NRXN1: variants seen among roughly 807,000 people sequenced by gnomAD.
The protein encoded by NRXN1 is neurexin 1, also known as neurexin-1.
Under a neutral mutation model 150.9 loss-of-function variants are expected in NRXN1, and 39 were observed. The observed-to-expected ratio is 0.26, with a 90% confidence interval of 0.20 to 0.34. The LOEUF is 0.34. Among genes scored for constraint, NRXN1 ranks in the 10% least tolerant of loss-of-function variants. The probability of loss-of-function intolerance (pLI) is 1.00; values close to 1 mark genes in which losing one functional copy is unlikely to be tolerated. For missense variants in NRXN1, 1,815 were observed against 1,949.9 expected (o/e 0.93, Z 1.30); for synonymous variants, 924 against 757.0 (o/e 1.22, Z -3.62).
intron 17 of NRXN1, among the ~76,000 whole-genome samples, chr2:50,259,404 A>T (rs2068029019): frequency 6.6e-6 from 1 of 151,862 alleles, no homozygotes; most frequent in Non-Finnish European, 1.5e-5. Flanking sequence ...TGCTTAAGTA[A>T]TATAAGGGGT....
chr2:49,992,392 A>AG (rs1399891503), intron 21 of NRXN1, among the ~76,000 whole-genome samples: 1 of 137,106 alleles, frequency 7.3e-6, no homozygotes, highest in Non-Finnish European at 1.6e-5. Context: ...CAAACAAAAA[A>AG]AAAACACCCC....
chr2:50,083,288 G>C (rs1698239529), intron 19 of NRXN1, among the ~76,000 whole-genome samples: 1 of 152,170 alleles, frequency 6.6e-6, no homozygotes, highest in South Asian at 2.1e-4. Flanking sequence ...CTTTACTTCT[G>C]TTTTACCACA....
chr2:50,304,085 G>A (rs934618771), intron 17 of NRXN1, among the ~76,000 whole-genome samples: 9 of 152,080 alleles, frequency 5.9e-5, no homozygotes, highest in Non-Finnish European at 1.0e-4. Context: ...GCCATAGATC[G>A]ATGAAGATGC....
intron 5 of NRXN1, among the ~76,000 whole-genome samples, chr2:50,713,183 G>A (rs1265510985): frequency 1.3e-5 from 2 of 151,754 alleles, no homozygotes; most frequent in African/African-American, 2.4e-5. Context: ...GCGTGGTGGC[G>A]CATGCCTGTA....
intron 5 of NRXN1, among the ~76,000 whole-genome samples, chr2:50,642,851 C>A (rs1449056736): frequency 1.3e-5 from 2 of 151,812 alleles, no homozygotes; most frequent in East Asian, 3.9e-4. Flanking sequence ...ATCAAATAGA[C>A]CAATATGTGT....
intron 17 of NRXN1, among the ~76,000 whole-genome samples, chr2:50,281,438 C>T (rs2071451105): frequency 6.6e-6 from 1 of 151,874 alleles, no homozygotes; most frequent in African/African-American, 2.4e-5. Context: ...TGAACAAAAC[C>T]CTCTGCTTGG....
Position 50,506,574 on chromosome 2 carries a change from A to G in NRXN1, c.2418T>C (p.Asp806=), listed in dbSNP as rs780936657. The G allele has an allele frequency of 6.2e-7, 1 of 1,613,430 alleles. No homozygotes were observed. The change falls in exon 13 of 23, where the codon GAT becomes GAC. Residue 806 remains aspartate, a synonymous_variant. Transcript: ENST00000401669. The part of the protein sequence containing the change: ...ETLFAGYNLN[D]NEWHTVRVVR... ...CTACACGCACTGTGTGCCACTCGTTATCATTGAGGTTATAGCCAGCAAAAA... is the reference window on the plus strand; with the variant it reads ...CTACACGCACTGTGTGCCACTCGTTGTCATTGAGGTTATAGCCAGCAAAAA...
intron 1 of NRXN1, among the ~76,000 whole-genome samples, chr2:51,030,519 T>G (rs1057429523): frequency 6.9e-6 from 1 of 144,664 alleles, no homozygotes; most frequent in Non-Finnish European, 1.5e-5. Flanking sequence ...AATTGATGAC[T>G]GGTTCTCTCT....
At chr2:50,959,828 C>T (rs1692857745) in intron 2 of NRXN1, among the ~76,000 whole-genome samples, 1 of 151,958 alleles carries the variant, frequency 6.6e-6, no homozygotes, top group African/African-American at 2.4e-5. Flanking sequence ...GAAATTAAAA[C>T]TAGAAATAAC....
At chr2:50,593,779 C>G (rs1186248242) in intron 8 of NRXN1, among the ~76,000 whole-genome samples, 1 of 152,158 alleles carries the variant, frequency 6.6e-6, no homozygotes, top group Non-Finnish European at 1.5e-5. Flanking sequence ...GTTGTTATTA[C>G]ATCCAACATA....
intron 18 of NRXN1, among the ~76,000 whole-genome samples, chr2:50,101,662 T>C (rs1266961388): frequency 6.6e-6 from 1 of 151,994 alleles, no homozygotes; most frequent in Non-Finnish European, 1.5e-5. Flanking sequence ...TGAAAACATA[T>C]CAAGAGATTA....
At chr2:50,043,034 A>C (rs2152594134) in intron 21 of NRXN1, among the ~76,000 whole-genome samples, 1 of 152,324 alleles carries the variant, frequency 6.6e-6, no homozygotes, top group Middle Eastern at 3.4e-3. Context: ...AGTATATCAG[A>C]AAGTGGGAAG....
At chr2:50,334,205 A>ATG (rs904890733) in intron 17 of NRXN1, among the ~76,000 whole-genome samples, 1 of 135,338 alleles carries the variant, frequency 7.4e-6, no homozygotes, top group African/African-American at 3.5e-5. Flanking sequence ...ATATATATAT[A>ATG]TATATATGTA....
At chr2:50,081,182 A>T (rs191496724) in intron 19 of NRXN1, among the ~76,000 whole-genome samples, 190 of 152,306 alleles carry the variant, frequency 1.2e-3, no homozygotes, top group African/African-American at 4.4e-3. Context: ...TATACTCTAC[A>T]TAGGACCTTG....
intron 8 of NRXN1, among the ~76,000 whole-genome samples, chr2:50,593,570 A>G (rs1471876120): frequency 1.3e-5 from 2 of 152,358 alleles, no homozygotes; most frequent in Non-Finnish European, 2.9e-5. Flanking sequence ...CTGAAATGCA[A>G]TATTATATTT....
chr2:50,311,826 G>C (rs1489521478), intron 17 of NRXN1, among the ~76,000 whole-genome samples: 1 of 151,984 alleles, frequency 6.6e-6, no homozygotes, highest in African/African-American at 2.4e-5. Flanking sequence ...ACAACATTCA[G>C]GAGTATCCTA....
At chr2:50,962,651 C>T (rs1310904000) in intron 2 of NRXN1, among the ~76,000 whole-genome samples, 1 of 151,592 alleles carries the variant, frequency 6.6e-6, no homozygotes, top group Non-Finnish European at 1.5e-5. Context: ...GGTGACTTAA[C>T]TATTAGTTTT....
At chr2:50,242,617 C>A (rs2066119921) in intron 17 of NRXN1, among the ~76,000 whole-genome samples, 1 of 151,586 alleles carries the variant, frequency 6.6e-6, no homozygotes, top group Non-Finnish European at 1.5e-5. Flanking sequence ...GTAACCACTT[C>A]TAGATTTAAA....
intron 17 of NRXN1, among the ~76,000 whole-genome samples, chr2:50,451,851 A>T (rs1037258547): frequency 2.0e-5 from 3 of 152,202 alleles, no homozygotes; most frequent in African/African-American, 7.2e-5. Flanking sequence ...AAATATATTT[A>T]ACATATCAAA....
Sources: gnomAD v4.1 joint callset for allele counts (sites outside exome capture counted in the v4.1 genomes callset) on GRCh38, gnomAD v4.1.1 for gene constraint, MANE v1.5 for transcripts, NCBI Gene and HGNC (gene_info 2026-07-23, HGNC 2026-07-21) for gene names.